The following SCG3 variants were observed in gnomAD, a reference collection of about 807,000 sequenced individuals.
SCG3 encodes secretogranin-3.
SCG3 carries 38 observed loss-of-function variants against 56.2 expected under a neutral mutation model. That is an observed-to-expected ratio of 0.68 (90% CI 0.52 to 0.89). The LOEUF (loss-of-function observed/expected upper bound fraction) is 0.89. Among genes scored for constraint, SCG3 ranks in the 40% least tolerant of loss-of-function variants. SCG3 has a pLI of 0.00. For missense variants in SCG3, 524 were observed against 540.7 expected, an observed-to-expected ratio of 0.97 and a Z score of 0.31; for synonymous variants, 176 against 184.2, an observed-to-expected ratio of 0.96 and a Z score of 0.36.
At chr15:51,702,509 G>A (rs1217880330) in intron 10 of SCG3, among the ~76,000 whole-genome samples, 3 of 152,116 alleles carry the variant, frequency 2.0e-5, no homozygotes, top group Non-Finnish European at 4.4e-5. Context: ...CCCCCGCCTA[G>A]GCCTCCCAAA....
In SCG3 at chr15:51,684,509, A is replaced by G. The variant is rs532106160; in HGVS notation, c.397+1075A>G. Among the ~76,000 whole-genome samples, 61 of 152,320 alleles carry G rather than the reference A, an allele frequency of 4.0e-4. 1 individual carries two copies. The highest frequency in any genetic ancestry group is 1.3e-3 in the African/African-American group (56 of 41,588). On this transcript the variant is annotated intron_variant, in intron 4 of 11. Transcript: ENST00000220478. ...GGAGAATCACTTGAACCCAGGAGAC[A>G]AGGGCTGCAGTGAGCCAAGACCACG...
chr15:51,682,489 A>C (rs777054031), intron 1 of SCG3, 28 bp from the exon 2 acceptor site: 1 of 1,275,694 alleles, frequency 7.8e-7, no homozygotes. Flanking sequence ...CGCACAATTA[A>C]ATTTATATTC....
chr15:51,718,889 A>G (rs2055477062), intron 11 of SCG3, among the ~76,000 whole-genome samples: 1 of 152,208 alleles, frequency 6.6e-6, no homozygotes, highest in East Asian at 1.9e-4. Flanking sequence ...TAAACCTAGT[A>G]TAAGTCAGGA....
At chr15:51,710,975 T>A (rs1386385885) in intron 10 of SCG3, among the ~76,000 whole-genome samples, 1 of 152,084 alleles carries the variant, frequency 6.6e-6, no homozygotes, top group Non-Finnish European at 1.5e-5. Context: ...TGAAGTAGCT[T>A]CATTGGGAAG....
chr15:51,705,796 G>A (rs2055371335), intron 10 of SCG3, among the ~76,000 whole-genome samples: 1 of 152,172 alleles, frequency 6.6e-6, no homozygotes, highest in Non-Finnish European at 1.5e-5. Context: ...AAAGTACTGG[G>A]ATTGTAGGTG....
intron 11 of SCG3, among the ~76,000 whole-genome samples, chr15:51,715,647 G>A (rs2055449734): frequency 1.3e-5 from 2 of 152,132 alleles, no homozygotes; most frequent in Admixed American, 1.3e-4. Flanking sequence ...TTAGCAAGAT[G>A]GCTACTGGCT....
Position 51,715,529 on chromosome 15 carries a change from T to C in SCG3, c.1288+2116T>C, listed in dbSNP as rs71472914. 1.6e-3 allele frequency among the ~76,000 whole-genome samples: 245 copies of C among 152,298 alleles called. 1 individual carries two copies. Among genetic ancestry groups the C allele is most frequent in the South Asian group, 0.014 (67 of 4,828 alleles). On this transcript the variant is annotated intron_variant, in intron 11 of 11. Coordinates refer to ENST00000220478, the MANE Select transcript of SCG3 (RefSeq NM_013243.4). ...AAGGGAGGTCCATGTGATGTGATAG[T>C]GAGGATAATGAGAAAATCTTATGTA...
chr15:51,695,207 A>G (rs2055295007), intron 7 of SCG3, among the ~76,000 whole-genome samples: 1 of 152,214 alleles, frequency 6.6e-6, no homozygotes, highest in Non-Finnish European at 1.5e-5. Context: ...TAAAAGTAAC[A>G]TCTTGTTCAA....
At chr15:51,704,260 T>TATATATATACATAC (rs2055358536) in intron 10 of SCG3, among the ~76,000 whole-genome samples, 1 of 135,378 alleles carries the variant, frequency 7.4e-6, no homozygotes, top group Non-Finnish European at 1.5e-5. Context: ...TATATATATA[T>TATATATATACATAC]ATATATATAT....
At chr15:51,693,002 A>G (rs2055277865) in intron 7 of SCG3, among the ~76,000 whole-genome samples, 1 of 152,154 alleles carries the variant, frequency 6.6e-6, no homozygotes, top group Non-Finnish European at 1.5e-5. Flanking sequence ...TTCATCTTGC[A>G]TAACTGAAAT....
In SCG3 at chr15:51,688,255, T is replaced by C. The variant is rs1173338699; in HGVS notation, c.398-5T>C. Reference sequence around the variant, plus strand: ...ATGGTGTGAAGTTGTGGTCGTTCTGTCTAGATGATCCAGATGGTCTTCATC... The same window carrying C: ...ATGGTGTGAAGTTGTGGTCGTTCTGCCTAGATGATCCAGATGGTCTTCATC... On this transcript the variant is annotated splice_region_variant and splice_polypyrimidine_tract_variant and intron_variant, in intron 4 of 11. Coordinates refer to ENST00000220478, the MANE Select transcript of SCG3 (RefSeq NM_013243.4). The C allele has an allele frequency of 3.1e-6, 5 of 1,612,414 alleles. No individual in the cohort carries two copies. In the East Asian group the frequency reaches 1.1e-4, roughly 36 times the overall value.
intron 10 of SCG3, among the ~76,000 whole-genome samples, chr15:51,704,682 T>C (rs183633606): frequency 6.7e-6 from 1 of 149,722 alleles, no homozygotes; most frequent in Non-Finnish European, 1.5e-5. Context: ...AATACTCCAT[T>C]GTATGTATAA....
At position 51,688,579 on chromosome 15, in the gene SCG3, A is replaced by T. The variant is rs191082073; in HGVS notation, c.540+177A>T. On this transcript the variant is annotated intron_variant, in intron 5 of 11. Transcript: ENST00000220478. ...TTTTTTTTCTAGGAGTTTATCATCC[A>T]TCAGAAGAACTAGGCAAGTAGACAC... Among the ~76,000 whole-genome samples, 6 of 152,110 alleles carry T rather than the reference A, an allele frequency of 3.9e-5. No individual in the cohort carries two copies. The South Asian group carries it at 6.2e-4, about 16-fold the overall frequency.
chr15:51,702,303 C>CACG (rs1365244821), intron 10 of SCG3, among the ~76,000 whole-genome samples: 3 of 152,124 alleles, frequency 2.0e-5, no homozygotes, highest in African/African-American at 7.2e-5. Flanking sequence ...GTTGCCCAGG[C>CACG]TAGAGTACAG....
intron 10 of SCG3, among the ~76,000 whole-genome samples, chr15:51,706,674 A>G (rs1249497347): frequency 5.3e-5 from 8 of 152,066 alleles, no homozygotes. Flanking sequence ...TGTGAGGAAT[A>G]TAAGTAATAA....
intron 5 of SCG3, among the ~76,000 whole-genome samples, chr15:51,688,726 A>C (rs2055246634): frequency 6.6e-6 from 1 of 152,204 alleles, no homozygotes; most frequent in African/African-American, 2.4e-5. Flanking sequence ...GATGGTTAGG[A>C]TATAACCAGC....
chr15:51,710,316 AGAG>A (rs1380121472), intron 10 of SCG3, among the ~76,000 whole-genome samples: 2 of 152,186 alleles, frequency 1.3e-5, no homozygotes, highest in Non-Finnish European at 1.5e-5. Flanking sequence ...AAAGCATGAA[AGAG>A]GAGGAGAATG....
chr15:51,715,116 G>C (rs1436540637), intron 11 of SCG3: 3 of 152,156 alleles, frequency 2.0e-5, no homozygotes, highest in Non-Finnish European at 4.4e-5. Flanking sequence ...TCAGACTCCT[G>C]GTCATAATCA....
At chr15:51,699,447 T>C in intron 9 of SCG3, 45 bp downstream of exon 9, 1 of 1,170,296 alleles carries the variant, frequency 8.5e-7, no homozygotes, top group Non-Finnish European at 1.2e-6. Flanking sequence ...ATAATAACCC[T>C]TTTGAGTGGT....
Sources: gnomAD v4.1 joint callset for allele counts (sites outside exome capture counted in the v4.1 genomes callset) on GRCh38, gnomAD v4.1.1 for gene constraint, MANE v1.5 for transcripts, NCBI Gene and HGNC (gene_info 2026-07-23, HGNC 2026-07-21) for gene names.